RARS2: variants seen among roughly 807,000 people sequenced by gnomAD.
The protein encoded by RARS2 is arginyl-tRNA synthetase 2, mitochondrial, also known as probable arginine--tRNA ligase, mitochondrial.
Under a neutral mutation model 88.5 loss-of-function variants are expected in RARS2, and 67 were observed. The observed-to-expected ratio is 0.76, with a 90% CI of 0.62 to 0.93. The LOEUF is 0.93. Among genes scored for constraint, RARS2 ranks in the 40% least tolerant of loss-of-function variants. RARS2 has a pLI of 0.00. For missense variants in RARS2, 664 were observed against 684.2 expected (o/e 0.97, Z 0.33); for synonymous variants, 239 against 230.3 (o/e 1.04, Z -0.34).
intron 3 of RARS2, 68 bp from the exon 4 acceptor site, chr6:87,562,853 T>C (rs1349602592): frequency 4.0e-6 from 5 of 1,263,260 alleles, no homozygotes; most frequent in Admixed American, 1.7e-5. Context: ...GTAGTTCTAA[T>C]GCTATTTTTG....
intron 10 of RARS2, 51 bp from the exon 11 acceptor site, chr6:87,524,703 T>A (rs1245616849): frequency 7.5e-7 from 1 of 1,327,018 alleles, no homozygotes; most frequent in Non-Finnish European, 1.1e-6. Flanking sequence ...TTCAGACCTT[T>A]AAAATTTTAA....
At chr6:87,517,090 A>C (rs535655699) in intron 17 of RARS2, among the ~76,000 whole-genome samples, 2 of 152,310 alleles carry the variant, frequency 1.3e-5, no homozygotes, top group African/African-American at 4.8e-5. Flanking sequence ...CAGCCTGGCC[A>C]ATATGATGAA....
intron 17 of RARS2, among the ~76,000 whole-genome samples, chr6:87,517,256 C>T (rs1772085883): frequency 6.6e-6 from 1 of 151,890 alleles, no homozygotes; most frequent in Non-Finnish European, 1.5e-5. Flanking sequence ...CTAGCCTGGG[C>T]AACAGAGCAA....
At chr6:87,568,827 G>C (rs753601531) in intron 2 of RARS2, among the ~76,000 whole-genome samples, 1 of 152,166 alleles carries the variant, frequency 6.6e-6, no homozygotes, top group Non-Finnish European at 1.5e-5. Flanking sequence ...AATGGTACTG[G>C]TAATTATATC....
chr6:87,521,790 TACA>T (rs1281055602), intron 11 of RARS2, among the ~76,000 whole-genome samples: 5 of 152,182 alleles, frequency 3.3e-5, no homozygotes, highest in Non-Finnish European at 5.9e-5. Flanking sequence ...ATAAAAGTTC[TACA>T]ACAAGTAGTA....
At chr6:87,573,005 G>A (rs552754526) in intron 1 of RARS2, among the ~76,000 whole-genome samples, 29 of 152,122 alleles carry the variant, frequency 1.9e-4, no homozygotes, top group Admixed American at 1.3e-3. Context: ...TTACTCATAT[G>A]AAGATATAAA....
rs74490138 is a variant in RARS2 at position 87,588,989 on chromosome 6, G to A, written c.36+933C>T. 4.3e-3 allele frequency among the ~76,000 whole-genome samples: 657 copies of A among 152,178 alleles called. 4 individuals are homozygous for A. The highest frequency in any genetic ancestry group is 7.5e-3 in the Non-Finnish European group (508 of 67,998). ...TGGTGATATTTGGCGAATTATCACC[G>A]GACAGGGCAGTACATCTATAAACAT... On this transcript the variant is annotated intron_variant, in intron 1 of 19. Transcript: ENST00000369536.
intron 3 of RARS2, among the ~76,000 whole-genome samples, chr6:87,563,901 G>C (rs1788616031): frequency 6.6e-6 from 1 of 152,118 alleles, no homozygotes; most frequent in South Asian, 2.1e-4. Flanking sequence ...CCTGTAAGTG[G>C]TTAATCAAAA....
chr6:87,580,021 G>C (rs865993815), intron 1 of RARS2, among the ~76,000 whole-genome samples: 1 of 152,016 alleles, frequency 6.6e-6, no homozygotes, highest in Non-Finnish European at 1.5e-5. Context: ...TTACAGGTGC[G>C]AGCCACCGCC....
intron 5 of RARS2, among the ~76,000 whole-genome samples, chr6:87,552,715 G>GT (rs1784749364): frequency 6.6e-6 from 1 of 152,006 alleles, no homozygotes. Context: ...TGAAGCCACA[G>GT]TATTTCTAGA....
At chr6:87,540,928 T>A (rs1340779581) in intron 8 of RARS2, among the ~76,000 whole-genome samples, 3 of 151,862 alleles carry the variant, frequency 2.0e-5, no homozygotes, top group African/African-American at 7.3e-5. Flanking sequence ...ATAGACATGC[T>A]GTCCCCCACA....
chr6:87,589,847 C>T, intron 1 of RARS2, 75 bp downstream of exon 1: 1 of 1,613,876 alleles, frequency 6.2e-7, no homozygotes, highest in Non-Finnish European at 8.5e-7. Flanking sequence ...TGACTGAGGA[C>T]TGGCCCGCAG....
At position 87,524,637 on chromosome 6, in the gene RARS2, T is replaced by C; in HGVS notation, c.894A>G (p.Val298=). The change falls in exon 11 of 20, where the codon GTA becomes GTG. Residue 298 remains valine (V), a synonymous_variant. Transcript: ENST00000369536. The part of the protein sequence containing the change: ...LLLKTIKGTA[V]VDLSGNGDPS... ...GGTCGCCATTCCCAGAGAGATCTAC[T>C]ACAGCCGTTCCTTTTCTAGAAATTC... 1 of 1,611,322 alleles carries C rather than the reference T, an allele frequency of 6.2e-7. No individual in the cohort carries two copies. Among genetic ancestry groups the C allele is most frequent in the Non-Finnish European group, 8.5e-7 (1 of 1,178,042 alleles).
At chr6:87,537,495 T>C (rs548150747) in intron 8 of RARS2, among the ~76,000 whole-genome samples, 1 of 152,192 alleles carries the variant, frequency 6.6e-6, no homozygotes, top group African/African-American at 2.4e-5. Flanking sequence ...TAATAGTTAC[T>C]TATTTCCTGG....
rs144439738 is a variant in RARS2, at chr6:87,584,247, T to A, written c.36+5675A>T. On this transcript the variant is annotated intron_variant, in intron 1 of 19. Coordinates refer to ENST00000369536, the MANE Select transcript of RARS2 (RefSeq NM_020320.5). ...ATTGACACACAAAATATGTTGATAC[T>A]GTGGCTACTGCTATTGCTATGAATA... Among the ~76,000 whole-genome samples, 129 of 152,342 alleles carry A rather than the reference T, an allele frequency of 8.5e-4. 2 individuals are homozygous for A. Among genetic ancestry groups the A allele is most frequent in the African/African-American group, 3.1e-3 (127 of 41,582 alleles).
chr6:87,589,623 T>C (rs1021514721), intron 1 of RARS2: 1 of 957,414 alleles, frequency 1.0e-6, no homozygotes, highest in African/African-American at 1.8e-5. Context: ...GGTCTAATCA[T>C]GGTCTAATGA....
chr6:87,515,168 T>A (rs1315188618), intron 18 of RARS2, 148 bp from the exon 19 acceptor site: 1 of 721,740 alleles, frequency 1.4e-6, no homozygotes, highest in Non-Finnish European at 2.5e-6. Flanking sequence ...GAAACTGGAA[T>A]TCAAAACTCA....
intron 5 of RARS2, 51 bp downstream of exon 5, chr6:87,555,357 C>T: frequency 1.4e-6 from 2 of 1,408,142 alleles, no homozygotes; most frequent in Non-Finnish European, 2.0e-6. Context: ...AATAACACTC[C>T]TCTGCCCAGT....
At chr6:87,552,069 G>C (rs528650534) in intron 5 of RARS2, among the ~76,000 whole-genome samples, 7 of 152,014 alleles carry the variant, frequency 4.6e-5, no homozygotes, top group African/African-American at 1.4e-4. Context: ...CCTACACTAC[G>C]TACCAGGGAG....
Sources: allele counts gnomAD v4.1 joint callset (sites outside exome capture counted in the v4.1 genomes callset), GRCh38; gene constraint gnomAD v4.1.1; transcripts MANE v1.5; gene names NCBI Gene and HGNC (gene_info 2026-07-23, HGNC 2026-07-21).